The following TIMM23B variants were observed in gnomAD, a reference collection of about 807,000 sequenced individuals.
The protein encoded by TIMM23B is mitochondrial import inner membrane translocase subunit Tim23B.
TIMM23B carries 27 observed loss-of-function variants against 27.3 expected under a neutral mutation model. The observed-to-expected ratio is 0.99, with a 90% CI of 0.73 to 1.36. TIMM23B has a LOEUF of 1.36. TIMM23B is among the 40% of genes most tolerant of loss of function. TIMM23B has a pLI of 0.00. For missense variants in TIMM23B, 205 were observed against 244.2 expected (o/e 0.84, Z 1.07); for synonymous variants, 73 against 92.4 (o/e 0.79, Z 1.21).
chr10:49,945,485 A>G (rs1839326399), intron 2 of TIMM23B, among the ~76,000 whole-genome samples: 1 of 152,148 alleles, frequency 6.6e-6, no homozygotes, highest in Non-Finnish European at 1.5e-5. Context: ...AATTCAGGCC[A>G]TCGTCCTGCC....
intron 2 of TIMM23B, among the ~76,000 whole-genome samples, chr10:49,951,563 T>C (rs1490205629): frequency 2.6e-5 from 4 of 152,154 alleles, no homozygotes; most frequent in Non-Finnish European, 2.9e-5. Context: ...ATGCCACATT[T>C]TGTGTATGCA....
Position 49,942,071 on chromosome 10 carries a change from G to A in TIMM23B, c.-124G>A. On this transcript the variant is annotated 5_prime_UTR_variant, in exon 1 of 7. Transcript: ENST00000651259. ...GGCGCTTAACGGGAACCGGCGCCCG[G>A]AATGTCAGCGTGTGAAGTAGGCGCT... 3 of 1,293,586 alleles carry A rather than the reference G, an allele frequency of 2.3e-6. No individual in the cohort carries two copies. The highest frequency in any genetic ancestry group is 1.5e-5 in the South Asian group (1 of 66,212). 80.1% of individuals were successfully genotyped at this position (1,293,586 alleles called of 1,614,324 possible). A position where few individuals can be genotyped will look rare whatever the true frequency, so the allele number is the denominator to read the frequency against.
At chr10:49,959,814 T>G (rs1360179497) in intron 6 of TIMM23B, among the ~76,000 whole-genome samples, 1 of 151,976 alleles carries the variant, frequency 6.6e-6, no homozygotes, top group Non-Finnish European at 1.5e-5. Flanking sequence ...AGTGGCATGA[T>G]CTCGGCTCAC....
At chr10:49,954,732 CCTT>C (rs1564681887) in intron 4 of TIMM23B, among the ~76,000 whole-genome samples, 1 of 117,252 alleles carries the variant, frequency 8.5e-6, no homozygotes. Context: ...TAAGAGTTTT[CCTT>C]ATTATTATTA....
At chr10:49,959,170 A>G (rs1421238210) in intron 6 of TIMM23B, among the ~76,000 whole-genome samples, 3 of 152,196 alleles carry the variant, frequency 2.0e-5, no homozygotes, top group Non-Finnish European at 4.4e-5. Context: ...TTTTGACATT[A>G]AGAATATAAG....
At chr10:49,954,907 G>T in intron 4 of TIMM23B, 95 bp from the exon 5 acceptor site, 1 of 1,419,580 alleles carries the variant, frequency 7.0e-7, no homozygotes, top group Non-Finnish European at 9.8e-7. Context: ...TTTGCGCCCT[G>T]GGTCTAGACA....
chr10:49,953,858 C>G, intron 4 of TIMM23B, among the ~76,000 whole-genome samples: 1 of 152,254 alleles, frequency 6.6e-6, no homozygotes, highest in East Asian at 1.9e-4. Flanking sequence ...TCAACCATGG[C>G]CAGTTCTATC....
chr10:49,965,291 C>T (rs1429630459), intron 6 of TIMM23B, among the ~76,000 whole-genome samples: 1 of 150,788 alleles, frequency 6.6e-6, no homozygotes, highest in African/African-American at 2.4e-5. Flanking sequence ...CGCACTCCAG[C>T]CTGGGTGATA....
intron 4 of TIMM23B, among the ~76,000 whole-genome samples, chr10:49,953,483 C>G (rs1267615604): frequency 1.3e-5 from 2 of 152,140 alleles, no homozygotes; most frequent in African/African-American, 4.8e-5. Context: ...GTAGCTGGGA[C>G]TACAGGCACA....
chr10:49,970,715 G>A (rs1372842616), intron 6 of TIMM23B, among the ~76,000 whole-genome samples: 2 of 118,304 alleles, frequency 1.7e-5, no homozygotes, highest in Non-Finnish European at 3.7e-5. Flanking sequence ...GGAGGTGGGG[G>A]GCGCCTCTGC....
intron 6 of TIMM23B, among the ~76,000 whole-genome samples, chr10:49,970,645 G>T (rs1589054573): frequency 6.7e-6 from 1 of 149,062 alleles, no homozygotes; most frequent in Non-Finnish European, 1.5e-5. Context: ...CCGGCCAGCT[G>T]CCCCGTCCGG....
chr10:49,945,364 TG>T (rs1237495975), intron 2 of TIMM23B, among the ~76,000 whole-genome samples: 5 of 152,112 alleles, frequency 3.3e-5, no homozygotes, highest in South Asian at 2.1e-4. Context: ...ACAAAGTGTG[TG>T]GGGTTTTTTT....
chr10:49,972,863 C>G, intron 6 of TIMM23B, 149 bp from the exon 7 acceptor site: 4 of 653,604 alleles, frequency 6.1e-6, no homozygotes, highest in Non-Finnish European at 1.1e-5. Flanking sequence ...TCACTCATGT[C>G]AGATAGAGAC....
chr10:49,960,912 A>T (rs1839874647), intron 6 of TIMM23B, among the ~76,000 whole-genome samples: 1 of 151,380 alleles, frequency 6.6e-6, no homozygotes, highest in Admixed American at 6.6e-5. Flanking sequence ...GCTTAAAATT[A>T]CATAGAAAGG....
chr10:49,965,912 G>C (rs1840126115), intron 6 of TIMM23B, among the ~76,000 whole-genome samples: 1 of 149,928 alleles, frequency 6.7e-6, no homozygotes, highest in Non-Finnish European at 1.5e-5. Flanking sequence ...AATAGAGCAA[G>C]TCTTCATCTG....
chr10:49,974,589 A>G lies in TIMM23B; in HGVS notation c.*1525A>G, dbSNP rs1375272252. On this transcript the variant is annotated 3_prime_UTR_variant, in exon 7 of 7. Transcript: ENST00000651259. ...GTAATGTGTGTATATACAAATACCTATATGTATGTGTGTACACATACAGCT... is the reference window on the plus strand; with the variant it reads ...GTAATGTGTGTATATACAAATACCTGTATGTATGTGTGTACACATACAGCT... 2 of 151,606 alleles carry G rather than the reference A, an allele frequency of 1.3e-5. No homozygotes were observed. The highest frequency in any genetic ancestry group is 6.6e-5 in the Admixed American group (1 of 15,240). The allele number at this position is 151,606 out of a possible 1,614,324, so 9.4% of individuals were successfully genotyped here.
At chr10:49,957,943 C>T (rs1383638705) in intron 5 of TIMM23B, among the ~76,000 whole-genome samples, 23 of 152,106 alleles carry the variant, frequency 1.5e-4, no homozygotes, top group Non-Finnish European at 2.6e-4. Context: ...GTATGGGGTA[C>T]GATCTCTTCT....
Position 49,952,079 on chromosome 10 carries a change from T to C in TIMM23B, c.166-47T>C, listed in dbSNP as rs1429413782. On this transcript the variant is annotated intron_variant, in intron 2 of 6. Transcript: ENST00000651259. ...GTTAAAAAGGCAACTTTACAAGATT[T>C]GTGTCTTGAGGGACACTCAGCTTGG... 3.7e-4 allele frequency: 507 copies of C among 1,381,968 alleles called. 1 individual carries two copies. Among genetic ancestry groups the C allele is most frequent in the South Asian group, 6.6e-4 (55 of 83,202 alleles). 85.6% of individuals were successfully genotyped at this position (1,381,968 alleles called of 1,614,324 possible). A position where few individuals can be genotyped will look rare whatever the true frequency, so the allele number is the denominator to read the frequency against.
At chr10:49,964,088 A>G (rs1840022681) in intron 6 of TIMM23B, among the ~76,000 whole-genome samples, 2 of 151,612 alleles carry the variant, frequency 1.3e-5, no homozygotes, top group Admixed American at 1.3e-4. Flanking sequence ...TTGAATGGGA[A>G]TGGGAATATG....
Sources: gnomAD v4.1 joint callset for allele counts (sites outside exome capture counted in the v4.1 genomes callset) on GRCh38, gnomAD v4.1.1 for gene constraint, MANE v1.5 for transcripts, NCBI Gene and HGNC (gene_info 2026-07-23, HGNC 2026-07-21) for gene names.